UGT2B11: variants seen among roughly 807,000 people sequenced by gnomAD.
UGT2B11 encodes the protein UDP glucuronosyltransferase family 2 member B11, also known as UDP-glucuronosyltransferase 2B11.
In UGT2B11, 49 loss-of-function variants were observed where a neutral mutation model predicts 51.7. That is an observed-to-expected ratio of 0.95 (90% CI 0.75 to 1.20). The LOEUF (loss-of-function observed/expected upper bound fraction) is 1.20, where lower values mean the gene tolerates loss of function less well. UGT2B11 is among the 50% of genes most tolerant of loss of function. The pLI is 0.00. For synonymous variants in UGT2B11, 273 were observed against 209.0 expected, an observed-to-expected ratio of 1.31 and a Z score of -2.64; for missense variants, 810 against 622.1, an observed-to-expected ratio of 1.30 and a Z score of -3.21.
chr4:69,201,539 G>A (rs1437964768), intron 5 of UGT2B11, among the ~76,000 whole-genome samples: 1 of 151,744 alleles, frequency 6.6e-6, no homozygotes, highest in East Asian at 2.0e-4. Flanking sequence ...CTGTCTTCTA[G>A]ATTGGCCTTC....
chr4:69,211,199 T>C (rs1722046963), intron 2 of UGT2B11: 1 of 151,568 alleles, frequency 6.6e-6, no homozygotes, highest in African/African-American at 2.4e-5. Flanking sequence ...GCAGAAATGA[T>C]TTTAAATACT....
In UGT2B11 at chr4:69,200,525, GC is replaced by G. The variant is rs1721612922; in HGVS notation, c.1504del (p.Ala502GlnfsTer3). On this transcript the variant is annotated frameshift_variant, in exon 6 of 6. Coordinates refer to ENST00000446444, the MANE Select transcript of UGT2B11 (RefSeq NM_001073.3). LOFTEE classifies it high-confidence loss of function. Reference sequence around the variant, plus strand: ...CTTTGTGATGATAAATATCACAGTTGCCACACAGGCCAGCAGAAACCCAATC... The same window carrying G: ...CTTTGTGATGATAAATATCACAGTTGCACACAGGCCAGCAGAAACCCAATC... Reference protein sequence around the residue: ...DVIGFLLACVATVIFIITKFC... With the variant: ...DVIGFLLACVXTVIFIITKFC... 6.2e-7 allele frequency: 1 copy of G among 1,612,176 alleles called. No individual in the cohort carries two copies. The highest frequency in any genetic ancestry group is 8.5e-7 in the Non-Finnish European group (1 of 1,178,932).
chr4:69,215,036 A>G (rs10012181), upstream of UGT2B11: 1,489 of 268,102 alleles, frequency 5.6e-3, 11 homozygotes, highest in South Asian at 0.012. Context: ...AGTCCTGCAG[A>G]GCCCTTGACA....
At chr4:69,220,629 G>T in the UGT2B11 span, among the ~76,000 whole-genome samples, 3 of 151,116 alleles carry the variant, frequency 2.0e-5, no homozygotes, top group Non-Finnish European at 4.4e-5. Flanking sequence ...GTAATAGTAG[G>T]ATGGCTGTCA....
upstream of UGT2B11, among the ~76,000 whole-genome samples, chr4:69,219,741 T>C (rs1722365423): frequency 6.6e-6 from 1 of 152,154 alleles, no homozygotes; most frequent in Admixed American, 6.5e-5. Flanking sequence ...GGGAATAGCA[T>C]GGGAAAAATG....
chr4:69,209,542 G>A (rs1476084077), intron 2 of UGT2B11, among the ~76,000 whole-genome samples: 2 of 151,556 alleles, frequency 1.3e-5, no homozygotes, highest in Non-Finnish European at 3.0e-5. Flanking sequence ...AATCATTGGG[G>A]TAAAACTTTT....
chr4:69,208,269 C>T, intron 3 of UGT2B11, 82 bp downstream of exon 3: 2 of 1,588,994 alleles, frequency 1.3e-6, no homozygotes, highest in East Asian at 2.2e-5. Flanking sequence ...TCACTCTACT[C>T]TTAATATTCT....
At chr4:69,222,484 G>A in the UGT2B11 span, among the ~76,000 whole-genome samples, 1 of 152,124 alleles carries the variant, frequency 6.6e-6, no homozygotes, top group Non-Finnish European at 1.5e-5. Flanking sequence ...ATCTGAGTAA[G>A]TATCCCAATG....
At chr4:69,219,151 T>A (rs1031657798), upstream of UGT2B11, among the ~76,000 whole-genome samples, 3 of 151,818 alleles carry the variant, frequency 2.0e-5, no homozygotes, top group Admixed American at 6.6e-5. Context: ...TATGTTGGTA[T>A]GAAAAAAAAA....
chr4:69,212,535 C>G (rs778153644), intron 2 of UGT2B11, 38 bp downstream of exon 2: 3 of 1,590,420 alleles, frequency 1.9e-6, no homozygotes, highest in Admixed American at 1.8e-5. Flanking sequence ...ACTGAAACTT[C>G]GAAGCCAACA....
In UGT2B11 at chr4:69,214,404, A is replaced by G. The variant is rs1722194412; in HGVS notation, c.319T>C (p.Leu107=). 2 of 1,613,048 alleles carry G rather than the reference A, an allele frequency of 1.2e-6. No individual in the cohort carries two copies. The highest frequency in any genetic ancestry group is 1.7e-6 in the Non-Finnish European group (2 of 1,179,470). The change falls in exon 1 of 6, where the codon TTA becomes CTA. Residue 107 remains leucine, a synonymous_variant. Transcript: ENST00000446444. ...WSDIRKDSFW[L]YFSQEQEILW... ...ATTTCTTGTTCTTGTGAAAAATATA[A>G]CCAAAAGCTATCTTTTCGAATGTCT...
chr4:69,224,269 A>C, the UGT2B11 span, among the ~76,000 whole-genome samples: 23 of 152,232 alleles, frequency 1.5e-4, no homozygotes, highest in South Asian at 6.2e-4. Context: ...GTGGTCTCAC[A>C]CTCAGTAACC....
upstream of UGT2B11, chr4:69,216,707 T>C (rs1338137260): frequency 6.6e-6 from 1 of 151,844 alleles, no homozygotes; most frequent in African/African-American, 2.4e-5. Context: ...AATGTCACAA[T>C]GATTTAAGTA....
chr4:69,216,514 G>C (rs1331770117), upstream of UGT2B11: 73 of 151,026 alleles, frequency 4.8e-4, no homozygotes, highest in African/African-American at 1.7e-3. Context: ...AGTTCATCAA[G>C]TATCAACATT....
upstream of UGT2B11, among the ~76,000 whole-genome samples, chr4:69,218,345 A>G (rs929985413): frequency 6.6e-6 from 1 of 152,268 alleles, no homozygotes. Context: ...GGTAGGGAGA[A>G]CACAAATAGA....
upstream of UGT2B11, among the ~76,000 whole-genome samples, chr4:69,219,481 T>A (rs1472156942): frequency 2.8e-5 from 4 of 141,958 alleles, no homozygotes; most frequent in African/African-American, 1.1e-4. Flanking sequence ...TGTTCTAGGG[T>A]TTTATAGTTT....
Position 69,205,413 on chromosome 4 carries a change from G to T in UGT2B11, c.1090+67C>A. On this transcript the variant is annotated intron_variant, in intron 4 of 5. Coordinates refer to ENST00000446444, the MANE Select transcript of UGT2B11 (RefSeq NM_001073.3). ...TTTTCCTATAACAAATATTCAATAA[G>T]CATGTTTCATTAACCCTCTAATGTG... is the stretch of plus-strand genomic sequence containing the variant. 1.9e-6 allele frequency: 3 copies of T among 1,553,422 alleles called. No homozygotes were observed. In the South Asian group the frequency reaches 3.5e-5, roughly 18 times the overall value.
At chr4:69,219,349 T>C (rs908261681), upstream of UGT2B11, among the ~76,000 whole-genome samples, 1 of 152,174 alleles carries the variant, frequency 6.6e-6, no homozygotes, top group Admixed American at 6.6e-5. Context: ...TATTAGGCCT[T>C]TATCAGATGC....
chr4:69,212,656 T>C lies in UGT2B11; in HGVS notation c.787A>G (p.Ser263Gly), dbSNP rs886364342. ...AAGAATGGATGAGGAAATTGAAAAC[T>C]CCAGGAGTTTCGCATAAGCCATATG... Reference protein sequence around the residue: ...ADIWLMRNSWSFQFPHPFLPN... With the variant: ...ADIWLMRNSWGFQFPHPFLPN... The change falls in exon 2 of 6, where the codon AGT (serine) becomes GGT (glycine). Residue 263 changes from serine to glycine, a missense_variant. Physicochemically the swap from Ser to Gly is moderately conservative, Grantham distance 56 (BLOSUM62 0). Coordinates refer to ENST00000446444, the MANE Select transcript of UGT2B11 (RefSeq NM_001073.3). 4 of 1,610,646 alleles carry C rather than the reference T, an allele frequency of 2.5e-6. No individual in the cohort carries two copies. Among genetic ancestry groups the C allele is most frequent in the Non-Finnish European group, 3.4e-6 (4 of 1,177,802 alleles).
Sources: gnomAD v4.1 joint callset for allele counts (sites outside exome capture counted in the v4.1 genomes callset) on GRCh38, gnomAD v4.1.1 for gene constraint, MANE v1.5 for transcripts, NCBI Gene and HGNC (gene_info 2026-07-23, HGNC 2026-07-21) for gene names.